Variants in NCOA2 observed in about 807,000 individuals in gnomAD.
NCOA2 encodes the protein class E basic helix-loop-helix protein 75.
In NCOA2, 21 loss-of-function variants were observed where a neutral mutation model predicts 145.1. That is an observed-to-expected ratio of 0.14 (90% CI 0.10 to 0.21). NCOA2 has a LOEUF of 0.21. Ranked by LOEUF, NCOA2 falls within the 10% of genes least tolerant of loss-of-function variation. The pLI is 1.00. For synonymous variants in NCOA2, 619 were observed against 637.5 expected, an observed-to-expected ratio of 0.97 and a Z score of 0.44; for missense variants, 1,472 against 1,837.6, an observed-to-expected ratio of 0.80 and a Z score of 3.64.
chr8:70,361,546 C>T (rs568356729), intron 1 of NCOA2, among the ~76,000 whole-genome samples: 1 of 152,222 alleles, frequency 6.6e-6, no homozygotes, highest in South Asian at 2.1e-4. Context: ...AATCTTAATT[C>T]ATTTTAGATG....
chr8:70,451,565 T>G, the NCOA2 span, among the ~76,000 whole-genome samples: 1 of 150,406 alleles, frequency 6.6e-6, no homozygotes, highest in African/African-American at 2.5e-5. Context: ...TAAAGTTGCT[T>G]AAGCACTCAC....
At chr8:70,166,495 T>C in intron 7 of NCOA2, 71 bp downstream of exon 7, 4 of 1,523,072 alleles carry the variant, frequency 2.6e-6, no homozygotes, top group Non-Finnish European at 3.6e-6. Flanking sequence ...TGACCACTAA[T>C]TAAAGTGTGA....
chr8:70,346,695 C>G (rs1039444185), intron 1 of NCOA2, among the ~76,000 whole-genome samples: 1 of 152,134 alleles, frequency 6.6e-6, no homozygotes, highest in Non-Finnish European at 1.5e-5. Flanking sequence ...CCGAAAATAC[C>G]AGTGGAAGGG....
chr8:70,217,849 T>TA (rs762469852), intron 2 of NCOA2, among the ~76,000 whole-genome samples: 134 of 152,206 alleles, frequency 8.8e-4, no homozygotes, highest in Middle Eastern at 6.8e-3. Context: ...AATCTGCATT[T>TA]AAAGTCTTTC....
chr8:70,145,022 T>C (rs149835291), intron 12 of NCOA2, among the ~76,000 whole-genome samples, 174 bp from the exon 13 acceptor site: 32 of 152,334 alleles, frequency 2.1e-4, no homozygotes, highest in Non-Finnish European at 4.4e-4. Context: ...CCCCAAAGCA[T>C]AGATGTGTGA....
chr8:70,199,595 C>T (rs569219300), intron 4 of NCOA2, among the ~76,000 whole-genome samples: 1 of 152,192 alleles, frequency 6.6e-6, no homozygotes, highest in East Asian at 1.9e-4. Flanking sequence ...GAGGGGCACA[C>T]AGGCCAGAGT....
chr8:70,264,416 T>C (rs1409557274), intron 2 of NCOA2, among the ~76,000 whole-genome samples: 1 of 151,826 alleles, frequency 6.6e-6, no homozygotes, highest in Non-Finnish European at 1.5e-5. Context: ...GATCCCCTGA[T>C]CCCAGGAGTT....
chr8:70,131,997 G>A lies in NCOA2; in HGVS notation c.3164C>T (p.Pro1055Leu), dbSNP rs201261778. 56 of 1,611,616 alleles carry A rather than the reference G, an allele frequency of 3.5e-5. No homozygotes were observed. In the African/African-American group the frequency reaches 7.5e-4, roughly 22 times the overall value. Residue 1055 changes from proline to leucine, a missense_variant, in exon 16 of 23, where the codon CCA (proline) becomes CTA (leucine). Coordinates refer to ENST00000452400, the MANE Select transcript of NCOA2 (RefSeq NM_006540.4). ...QASFASQNRQ[P>L]FGSSPDDLLC... is the part of the protein sequence containing the mutation. ...CAAGTCATCTGGAGAACTGCCAAAT[G>A]GCTGCCTGTAAAGACAGAAATGTCA...
chr8:70,256,473 G>A (rs1446092137), intron 2 of NCOA2, among the ~76,000 whole-genome samples: 2 of 152,042 alleles, frequency 1.3e-5, no homozygotes, highest in Non-Finnish European at 2.9e-5. Flanking sequence ...CAGTAGTATT[G>A]TTTTTGTTGT....
upstream of NCOA2, among the ~76,000 whole-genome samples, chr8:70,403,970 C>T (rs964557193): frequency 6.6e-6 from 1 of 152,166 alleles, no homozygotes; most frequent in Non-Finnish European, 1.5e-5. Context: ...TCTGCCTCCC[C>T]GGCAGTGGCC....
At chr8:70,212,211 G>A (rs1819118626) in intron 4 of NCOA2, among the ~76,000 whole-genome samples, 1 of 151,830 alleles carries the variant, frequency 6.6e-6, no homozygotes, top group Admixed American at 6.6e-5. Context: ...TTACTGTAAT[G>A]ACATCAGCAA....
intron 1 of NCOA2, among the ~76,000 whole-genome samples, chr8:70,297,986 A>G (rs1827214256): frequency 6.6e-6 from 1 of 152,178 alleles, no homozygotes; most frequent in Non-Finnish European, 1.5e-5. Context: ...AACGATACTG[A>G]AAATGTATCT....
At chr8:70,197,540 C>T (rs907928302) in intron 4 of NCOA2, among the ~76,000 whole-genome samples, 1 of 152,228 alleles carries the variant, frequency 6.6e-6, no homozygotes, top group Non-Finnish European at 1.5e-5. Context: ...CAGTGCTTTA[C>T]AGGTCTTTAT....
chr8:70,285,031 C>G (rs562184012), intron 2 of NCOA2, among the ~76,000 whole-genome samples: 1 of 152,100 alleles, frequency 6.6e-6, no homozygotes, highest in African/African-American at 2.4e-5. Flanking sequence ...CTCAATAAAA[C>G]CAGACCTGCT....
intron 2 of NCOA2, among the ~76,000 whole-genome samples, chr8:70,266,911 G>A (rs1824644476): frequency 6.6e-6 from 1 of 152,196 alleles, no homozygotes; most frequent in Non-Finnish European, 1.5e-5. Context: ...AAGACAAGGA[G>A]TTCATTTATT....
chr8:70,381,799 C>G (rs915261251), intron 1 of NCOA2, among the ~76,000 whole-genome samples: 3 of 152,084 alleles, frequency 2.0e-5, no homozygotes, highest in African/African-American at 7.2e-5. Flanking sequence ...AAAATCTGAT[C>G]CAGGTACTGG....
chr8:70,181,123 CAG>C (rs1815428415), intron 4 of NCOA2, among the ~76,000 whole-genome samples: 1 of 152,146 alleles, frequency 6.6e-6, no homozygotes, highest in Non-Finnish European at 1.5e-5. Context: ...ATTACAAATT[CAG>C]AGAGTCTTTC....
chr8:70,261,109 C>T (rs902144080), intron 2 of NCOA2, among the ~76,000 whole-genome samples: 4 of 152,286 alleles, frequency 2.6e-5, no homozygotes, highest in Admixed American at 1.3e-4. Context: ...TGGGCATATA[C>T]CCAAAGGATT....
chr8:70,379,098 T>TA (rs145579366), intron 1 of NCOA2, among the ~76,000 whole-genome samples: 4,940 of 152,322 alleles, frequency 0.032, 272 homozygotes, highest in African/African-American at 0.11. Flanking sequence ...ATAAATCTCT[T>TA]AATGTTTTAA....
Sources: allele counts gnomAD v4.1 joint callset (sites outside exome capture counted in the v4.1 genomes callset), GRCh38; gene constraint gnomAD v4.1.1; transcripts MANE v1.5; gene names NCBI Gene and HGNC (gene_info 2026-07-23, HGNC 2026-07-21).